Variants in MGAM observed in about 807,000 individuals in gnomAD.
MGAM encodes alpha-1,4-glucosidase.
A neutral mutation model predicts 358.8 loss-of-function variants in MGAM; 253 were observed. That is an observed-to-expected ratio of 0.71 (90% confidence interval 0.64 to 0.78). The LOEUF is 0.78. Among genes scored for constraint, MGAM ranks in the 30% least tolerant of loss-of-function variants. MGAM has a pLI of 0.00. For synonymous variants in MGAM, 1,105 were observed against 1,227.1 expected, an observed-to-expected ratio of 0.90 and a Z score of 2.08; for missense variants, 3,080 against 3,432.6, an observed-to-expected ratio of 0.90 and a Z score of 2.57.
intron 2 of MGAM, among the ~76,000 whole-genome samples, chr7:142,007,012 G>A (rs868949708): frequency 6.6e-6 from 1 of 151,966 alleles, no homozygotes; most frequent in African/African-American, 2.4e-5. Flanking sequence ...TAAACTTTTT[G>A]TGAGTATCAG....
chr7:142,040,293 G>T (rs1808394022), intron 20 of MGAM, 122 bp downstream of exon 20: 2 of 789,130 alleles, frequency 2.5e-6, no homozygotes, highest in Admixed American at 5.0e-5. Context: ...AGTGTTTTCT[G>T]TAATTTCATA....
At chr7:142,062,888 A>G (rs1192325530) in intron 35 of MGAM, among the ~76,000 whole-genome samples, 186 bp downstream of exon 35, 2 of 152,090 alleles carry the variant, frequency 1.3e-5, no homozygotes, top group African/African-American at 4.8e-5. Flanking sequence ...ACCAGACCTG[A>G]CGCTCCTACT....
chr7:142,090,482 C>T lies in MGAM; in HGVS notation c.6811-1431C>T, dbSNP rs1273699349. On this transcript the variant is annotated intron_variant, in intron 57 of 70. Transcript: ENST00000475668. Reference sequence around the variant, plus strand: ...TAACAAAAGGCATCCCTGGCATGCCCACTTCTGTCAAGATTCTCCGTGATG... The same window carrying T: ...TAACAAAAGGCATCCCTGGCATGCCTACTTCTGTCAAGATTCTCCGTGATG... Among the ~76,000 whole-genome samples the T allele has an allele frequency of 4.1e-5, 6 of 145,860 alleles. 1 individual carries two copies. The highest frequency in any genetic ancestry group is 4.0e-4 in the East Asian group (2 of 4,940).
chr7:142,046,277 G>A (rs1280828975), intron 21 of MGAM, among the ~76,000 whole-genome samples: 7 of 151,354 alleles, frequency 4.6e-5, no homozygotes, highest in South Asian at 4.2e-4. Context: ...TATCTGAAAT[G>A]TTTAGGGGAG....
At position 142,036,900 on chromosome 7, in the gene MGAM, TCTATTG is replaced by T; in HGVS notation, c.2156_2161del (p.Leu719_Leu720del). On this transcript the variant is annotated inframe_deletion, in exon 18 of 71. Transcript: ENST00000475668. ...GGCACTACCTTAACATCCGCTATAC[TCTATTG>T]CCCTACCTATACACCCTCTTCTTCC... 6.2e-7 allele frequency: 1 copy of T among 1,613,700 alleles called. No individual in the cohort carries two copies.
chr7:142,060,372 A>G lies in MGAM; in HGVS notation c.4121A>G (p.Glu1374Gly). Residue 1374 changes from glutamate (E) to glycine (G), a missense_variant and splice_region_variant, in exon 34 of 71, where the codon GAG (glutamate) becomes GGG (glycine). Transcript: ENST00000475668. ...TCTCTAGACTGGGACAGCCAAGTGG[A>G]GGTAAAAGGGTGTTTGTAAATTTGG... is the stretch of plus-strand genomic sequence containing the variant. ...NGSLDWDSQV[E>G]LYRAYVAFPD... 1 of 1,614,004 alleles carries G rather than the reference A, an allele frequency of 6.2e-7. No individual in the cohort carries two copies. Among genetic ancestry groups the G allele is most frequent in the South Asian group, 1.1e-5 (1 of 91,078 alleles).
intron 57 of MGAM, among the ~76,000 whole-genome samples, chr7:142,088,735 GTCTGTCTGTCTGTCTATCTATCTATCTA>G (rs1310600846): frequency 1.5e-4 from 15 of 97,298 alleles, no homozygotes; most frequent in African/African-American, 6.2e-4. Context: ...CTGTCTGTCT[GTCTGTCTGTCTGTCTATCTATCTATCTA>G]TCTATCTATC....
rs113603746 is a variant in MGAM, at chr7:142,067,386, G to A, written c.4965G>A (p.Leu1655=). 2.3e-3 allele frequency: 3,640 copies of A among 1,551,856 alleles called. 237 individuals are homozygous for A. In the African/African-American group the frequency reaches 0.042, roughly 18 times the overall value. ...CATGGGACATAGACAGTCAGTTCCT[G>A]CTGGGCCCAGCCTTCCTGGTCAGCC... ...QVTWDIDSQF[L]LGPAFLVSPV... Residue 1655 remains leucine, a synonymous_variant, in exon 42 of 71, where the codon CTG becomes CTA. Coordinates refer to ENST00000475668, the MANE Select transcript of MGAM (RefSeq NM_001365693.1).
At chr7:142,022,479 G>A (rs1041703805) in intron 7 of MGAM, 40 bp downstream of exon 7, 1 of 1,586,334 alleles carries the variant, frequency 6.3e-7, no homozygotes, top group African/African-American at 1.3e-5. Flanking sequence ...GAATATCATA[G>A]TCTCATTCTT....
intron 37 of MGAM, 104 bp from the exon 38 acceptor site, chr7:142,065,231 A>C (rs937744036): frequency 2.0e-6 from 3 of 1,465,748 alleles, no homozygotes; most frequent in Non-Finnish European, 2.8e-6. Flanking sequence ...CCCTCCAGTC[A>C]CGCAGCAAAC....
chr7:142,092,649 G>A (rs1242180986), intron 59 of MGAM, 41 bp downstream of exon 59: 1 of 1,471,970 alleles, frequency 6.8e-7, no homozygotes, highest in Non-Finnish European at 9.3e-7. Context: ...AGCCATGATT[G>A]AAAGAAGGAT....
chr7:142,066,425 T>C (rs757761821), intron 40 of MGAM, 148 bp from the exon 41 acceptor site: 3 of 967,276 alleles, frequency 3.1e-6, no homozygotes, highest in East Asian at 2.7e-5. Context: ...CTCTTTCCGG[T>C]CTATTAAGAA....
rs960256400 is a variant in MGAM at position 142,095,615 on chromosome 7, T to G, written c.7509T>G (p.Thr2503=). Residue 2503 remains threonine (T), a synonymous_variant, in exon 64 of 71, where the codon ACT becomes ACG. Transcript: ENST00000475668. ...TTGCTTTTGTGAATATTTCCAGAAC[T>G]GTCCTGCAGACCAGATACACCCTGT... ...WDVAFVNISR[T]VLQTRYTLLP... is the part of the protein sequence containing the mutation. The G allele has an allele frequency of 6.2e-7, 1 of 1,613,758 alleles. No individual in the cohort carries two copies. Among genetic ancestry groups the G allele is most frequent in the Non-Finnish European group, 8.5e-7 (1 of 1,179,788 alleles).
At chr7:142,046,030 A>AAT (rs1348936759) in intron 21 of MGAM, among the ~76,000 whole-genome samples, 1 of 118,748 alleles carries the variant, frequency 8.4e-6, no homozygotes. Flanking sequence ...TACAATATGT[A>AAT]ATATATATTA....
intron 37 of MGAM, among the ~76,000 whole-genome samples, 153 bp from the exon 38 acceptor site, chr7:142,065,182 G>C (rs533868851): frequency 6.6e-6 from 1 of 152,166 alleles, no homozygotes; most frequent in Admixed American, 6.5e-5. Flanking sequence ...CATCATCTGG[G>C]ATCAGTGGAA....
chr7:142,068,598 G>T, intron 42 of MGAM, 49 bp from the exon 43 acceptor site: 1 of 1,365,366 alleles, frequency 7.3e-7, no homozygotes. Flanking sequence ...TGGTTACTCT[G>T]TCCTGGAAAA....
At chr7:142,043,440 A>C (rs1293061170) in intron 21 of MGAM, among the ~76,000 whole-genome samples, 2 of 25,240 alleles carry the variant, frequency 7.9e-5, no homozygotes, top group Non-Finnish European at 1.5e-4. Context: ...ATATACATAT[A>C]ATATCTAAAT....
chr7:142,052,958 C>G lies in MGAM; in HGVS notation c.3133C>G (p.His1045Asp). 1 of 1,613,832 alleles carries G rather than the reference C, an allele frequency of 6.2e-7. No individual in the cohort carries two copies. The highest frequency in any genetic ancestry group is 1.3e-5 in the African/African-American group (1 of 75,012). The change falls in exon 26 of 71, where the codon CAT becomes GAT. Residue 1045 changes from histidine (H) to aspartate (D), a missense_variant. His to Asp is a moderately conservative substitution (Grantham distance 81). Around this residue, in one of 5 missense-constraint regions of MGAM, gnomAD observed 1,816 missense variants for 1,840.5 expected, o/e 0.99. Coordinates refer to ENST00000475668, the MANE Select transcript of MGAM (RefSeq NM_001365693.1). ...CCCCCTTCGCCTGGATGTCACTTAC[C>G]ATAAGAATGAAATGCTGCAGTTCAA... ...VNPLRLDVTY[H>D]KNEMLQFKIY... is the part of the protein sequence containing the mutation.
chr7:142,030,424 G>A lies in MGAM; in HGVS notation c.1284G>A (p.Val428=). Residue 428 remains valine (V), a synonymous_variant, in exon 11 of 71, where the codon GTG becomes GTA. Transcript: ENST00000475668. ...DERRDFTYDS[V]DFKGFPEFVN... The stretch of plus-strand genomic sequence containing the variant: ...GAAGGGACTTCACTTATGATTCAGT[G>A]GATTTTAAAGGCTTCCCTGAATTTG... The A allele has an allele frequency of 6.2e-7, 1 of 1,613,516 alleles. No individual in the cohort carries two copies. Among genetic ancestry groups the A allele is most frequent in the Non-Finnish European group, 8.5e-7 (1 of 1,179,690 alleles).
Sources: gnomAD v4.1 joint callset for allele counts (sites outside exome capture counted in the v4.1 genomes callset) on GRCh38, gnomAD v4.1.1 for gene constraint, gnomAD v4.1.1 regional missense constraint, MANE v1.5 for transcripts, NCBI Gene and HGNC (gene_info 2026-07-23, HGNC 2026-07-21) for gene names.